The following OLFM3 variants were observed in gnomAD, a reference collection of about 807,000 sequenced individuals.
The protein encoded by OLFM3 is noelin-3.
In OLFM3, 20 loss-of-function variants were observed where a neutral mutation model predicts 48.6. That is an observed-to-expected ratio of 0.41 (90% CI 0.29 to 0.60). The LOEUF is 0.60. Among genes scored for constraint, OLFM3 ranks in the 20% least tolerant of loss-of-function variants. The probability of loss-of-function intolerance (pLI) is 0.28; values close to 1 mark genes in which losing one functional copy is unlikely to be tolerated. For missense variants in OLFM3, 437 were observed against 544.3 expected (o/e 0.80, Z 1.96); for synonymous variants, 222 against 198.1 (o/e 1.12, Z -1.01).
intron 1 of OLFM3, among the ~76,000 whole-genome samples, chr1:101,842,493 G>A (rs1042721943): frequency 2.0e-5 from 3 of 152,154 alleles, no homozygotes; most frequent in African/African-American, 7.2e-5. Flanking sequence ...GCTACAGTGA[G>A]CCGAGATAGT....
intron 1 of OLFM3, among the ~76,000 whole-genome samples, chr1:101,847,465 G>A (rs115914068): frequency 0.01 from 1,556 of 152,018 alleles, 41 homozygotes; most frequent in African/African-American, 0.036. Flanking sequence ...AGTGCTTTTA[G>A]GAAGAACATG....
intron 1 of OLFM3, among the ~76,000 whole-genome samples, chr1:101,940,291 A>G (rs1214059781): frequency 2.6e-5 from 4 of 151,664 alleles, no homozygotes; most frequent in Non-Finnish European, 4.4e-5. Context: ...CAGAACCACA[A>G]TAGAGCTGTG....
intron 1 of OLFM3, among the ~76,000 whole-genome samples, chr1:101,891,420 A>G (rs1420922207): frequency 6.6e-6 from 1 of 151,986 alleles, no homozygotes; most frequent in South Asian, 2.1e-4. Context: ...AGTTATTACT[A>G]TATGAATATT....
At chr1:101,814,674 C>A (rs916167947) in intron 4 of OLFM3, among the ~76,000 whole-genome samples, 4 of 152,132 alleles carry the variant, frequency 2.6e-5, no homozygotes, top group African/African-American at 9.7e-5. Context: ...GTTAAAGAGT[C>A]GGCCTGGATT....
intron 1 of OLFM3, among the ~76,000 whole-genome samples, chr1:101,956,095 T>TA (rs1553183049): frequency 1.4e-5 from 2 of 143,714 alleles, no homozygotes; most frequent in Non-Finnish European, 3.0e-5. Context: ...GGTTTTTTTT[T>TA]TTTTTTTTAA....
chr1:101,966,272 C>T (rs150547058), intron 1 of OLFM3, among the ~76,000 whole-genome samples: 1,924 of 151,422 alleles, frequency 0.013, 25 homozygotes, highest in Non-Finnish European at 0.019. Context: ...TCAAGGTATC[C>T]TTGTGTCTCA....
chr1:101,900,359 T>G (rs2101017293), intron 1 of OLFM3, among the ~76,000 whole-genome samples: 1 of 152,228 alleles, frequency 6.6e-6, no homozygotes, highest in Non-Finnish European at 1.5e-5. Flanking sequence ...GCATGTTTGA[T>G]TAACAAAGTT....
chr1:101,972,146 T>C (rs1351561627), intron 1 of OLFM3, among the ~76,000 whole-genome samples: 1 of 152,224 alleles, frequency 6.6e-6, no homozygotes, highest in Non-Finnish European at 1.5e-5. Flanking sequence ...TTGATTTTAC[T>C]GCTTTCATCT....
At position 101,804,224 on chromosome 1, in the gene OLFM3, CAT is replaced by C. The variant is rs1557679833; in HGVS notation, c.*12_*13del. The C allele has an allele frequency of 5.2e-6, 8 of 1,543,776 alleles. No homozygotes were observed. The highest frequency in any genetic ancestry group is 4.4e-6 in the Non-Finnish European group (5 of 1,144,482). The stretch of plus-strand genomic sequence containing the variant: ...ATCACACTGTTTAAATCAATGAAAA[CAT>C]GTCACATTTGCCTATGTGTCATCCT... On this transcript the variant is annotated 3_prime_UTR_variant, in exon 6 of 6. Transcript: ENST00000370103. This position sits in a 1 kb window ranked among gnomAD's most constrained non-coding sequence, Gnocchi z 4.5.
chr1:101,939,674 A>C (rs941785801), intron 1 of OLFM3, among the ~76,000 whole-genome samples: 4 of 152,186 alleles, frequency 2.6e-5, no homozygotes, highest in African/African-American at 9.7e-5. Context: ...CAGAAGGGAA[A>C]ATTAAAGCGA....
intron 4 of OLFM3, chr1:101,812,529 A>T (rs1435147190): frequency 2.0e-6 from 2 of 985,206 alleles, no homozygotes; most frequent in African/African-American, 1.7e-5. Context: ...GATTAGTTGA[A>T]ACCTGAACAA....
At chr1:101,966,927 C>G (rs548050163) in intron 1 of OLFM3, among the ~76,000 whole-genome samples, 1 of 152,132 alleles carries the variant, frequency 6.6e-6, no homozygotes, top group Non-Finnish European at 1.5e-5. Flanking sequence ...ATGTAAGCTT[C>G]CTGAAGGGAA....
intron 1 of OLFM3, among the ~76,000 whole-genome samples, chr1:101,902,346 T>A (rs1472544807): frequency 1.3e-5 from 2 of 152,024 alleles, no homozygotes; most frequent in Non-Finnish European, 2.9e-5. Flanking sequence ...AGTGGTGACA[T>A]CAAGATATGA....
intron 4 of OLFM3, chr1:101,813,163 A>G (rs780917571): frequency 5.8e-6 from 7 of 1,203,278 alleles, no homozygotes; most frequent in Non-Finnish European, 6.6e-6. Flanking sequence ...AGGAAATTTA[A>G]AGAAAGAAGT....
At chr1:101,856,246 C>G (rs138270963) in intron 1 of OLFM3, among the ~76,000 whole-genome samples, 1 of 151,998 alleles carries the variant, frequency 6.6e-6, no homozygotes, top group East Asian at 1.9e-4. Context: ...ATAAGTCAGG[C>G]ACTATTTATC....
chr1:101,814,954 T>G (rs1023361360), intron 4 of OLFM3, among the ~76,000 whole-genome samples: 3 of 152,166 alleles, frequency 2.0e-5, no homozygotes, highest in African/African-American at 4.8e-5. Flanking sequence ...GTATTTAGAA[T>G]ACACTTGGAA....
At chr1:101,991,140 A>C (rs1661398758) in intron 1 of OLFM3, among the ~76,000 whole-genome samples, 1 of 131,868 alleles carries the variant, frequency 7.6e-6, no homozygotes, top group Admixed American at 7.5e-5. Flanking sequence ...TCAACATCAT[A>C]TTGTAGATTT....
intron 4 of OLFM3, among the ~76,000 whole-genome samples, chr1:101,814,911 T>C (rs571653057): frequency 6.6e-6 from 1 of 152,168 alleles, no homozygotes; most frequent in Non-Finnish European, 1.5e-5. Context: ...CTTGATGAAT[T>C]AAGAGGAGCA....
At chr1:101,944,879 C>CAAA (rs35504595) in intron 1 of OLFM3, among the ~76,000 whole-genome samples, 1 of 145,742 alleles carries the variant, frequency 6.9e-6, no homozygotes, top group Non-Finnish European at 1.5e-5. Flanking sequence ...GACTCCACCT[C>CAAA]AAAAAAAAAA....
Sources: allele counts gnomAD v4.1 joint callset (sites outside exome capture counted in the v4.1 genomes callset), GRCh38; gene constraint gnomAD v4.1.1; non-coding constraint Gnocchi (gnomAD v3.1); transcripts MANE v1.5; gene names NCBI Gene and HGNC (gene_info 2026-07-23, HGNC 2026-07-21).